Variants in PLA2G4A observed in about 807,000 individuals in gnomAD.
The protein encoded by PLA2G4A is phospholipase A2 group IVA, also known as cytosolic phospholipase A2.
In PLA2G4A, 40 loss-of-function variants were observed where a neutral mutation model predicts 81.9. The ratio of observed to expected loss-of-function variants is 0.49; its 90% CI spans 0.38 to 0.64. The LOEUF (loss-of-function observed/expected upper bound fraction) is 0.64, where lower values mean the gene tolerates loss of function less well. PLA2G4A is among the 30% of genes least tolerant of loss of function. PLA2G4A has a pLI of 0.00. For missense variants in PLA2G4A, 715 were observed against 905.1 expected, an observed-to-expected ratio of 0.79 and a Z score of 2.69; for synonymous variants, 302 against 296.9, an observed-to-expected ratio of 1.02 and a Z score of -0.18.
chr1:186,927,219 A>G (rs1655578899), intron 7 of PLA2G4A, among the ~76,000 whole-genome samples: 1 of 152,040 alleles, frequency 6.6e-6, no homozygotes, highest in African/African-American at 2.4e-5. Flanking sequence ...TTCTCTTTCA[A>G]CTTTGTTGCT....
chr1:186,890,486 T>A (rs1387835921), intron 3 of PLA2G4A, among the ~76,000 whole-genome samples: 6 of 152,222 alleles, frequency 3.9e-5, no homozygotes, highest in African/African-American at 1.4e-4. Context: ...ATTTCTTTAT[T>A]TGCAATTGTT....
intron 3 of PLA2G4A, among the ~76,000 whole-genome samples, chr1:186,892,066 C>T (rs1654162595): frequency 6.6e-6 from 1 of 152,136 alleles, no homozygotes; most frequent in Non-Finnish European, 1.5e-5. Context: ...TTTTCATATG[C>T]TTGTTTCCCA....
intron 1 of PLA2G4A, among the ~76,000 whole-genome samples, chr1:186,833,562 G>A (rs1156722687): frequency 6.6e-6 from 1 of 152,138 alleles, no homozygotes; most frequent in Non-Finnish European, 1.5e-5. Context: ...TCTTTCCAAA[G>A]AAGACAGTAA....
At chr1:186,925,355 AG>A (rs1220448441) in intron 7 of PLA2G4A, among the ~76,000 whole-genome samples, 1 of 152,222 alleles carries the variant, frequency 6.6e-6, no homozygotes, top group Non-Finnish European at 1.5e-5. Flanking sequence ...CAATGAATTC[AG>A]AGTGAATGTT....
chr1:186,874,588 C>A (rs1468449993), intron 3 of PLA2G4A, among the ~76,000 whole-genome samples: 1 of 152,032 alleles, frequency 6.6e-6, no homozygotes, highest in Non-Finnish European at 1.5e-5. Flanking sequence ...TGTCTGGCCC[C>A]TTTATTAGAC....
At chr1:186,875,425 T>C (rs1218731305) in intron 3 of PLA2G4A, among the ~76,000 whole-genome samples, 1 of 151,986 alleles carries the variant, frequency 6.6e-6, no homozygotes, top group African/African-American at 2.4e-5. Context: ...AATGTTAAAT[T>C]CTGAAATTAT....
At chr1:186,890,627 G>A (rs1003329794) in intron 3 of PLA2G4A, among the ~76,000 whole-genome samples, 6 of 151,786 alleles carry the variant, frequency 4.0e-5, no homozygotes, top group East Asian at 1.9e-4. Flanking sequence ...AGTCTGAGGC[G>A]GGCAGATCAG....
At chr1:186,890,891 A>C (rs1378926159) in intron 3 of PLA2G4A, among the ~76,000 whole-genome samples, 3 of 151,652 alleles carry the variant, frequency 2.0e-5, no homozygotes, top group Non-Finnish European at 2.9e-5. Context: ...TTGTTGCTTC[A>C]TAGAGACACC....
intron 7 of PLA2G4A, among the ~76,000 whole-genome samples, chr1:186,912,337 G>T (rs1240003871): frequency 6.6e-6 from 1 of 152,070 alleles, no homozygotes; most frequent in Non-Finnish European, 1.5e-5. Flanking sequence ...CATAGTTTAC[G>T]CTAGGCTCAC....
chr1:186,856,476 A>G (rs1390046253), intron 2 of PLA2G4A, among the ~76,000 whole-genome samples: 1 of 150,354 alleles, frequency 6.7e-6, no homozygotes, highest in Non-Finnish European at 1.5e-5. Flanking sequence ...TGCAACTACC[A>G]TCTCTCGGGT....
intron 8 of PLA2G4A, 142 bp from the exon 9 acceptor site, chr1:186,938,866 A>G: frequency 1.5e-6 from 1 of 665,908 alleles, no homozygotes; most frequent in Non-Finnish European, 2.7e-6. Flanking sequence ...TTCTTTTCTT[A>G]AATGTTTTAA....
Position 186,979,436 on chromosome 1 carries a change from T to A in PLA2G4A, c.2082T>A (p.His694Gln). 6.2e-7 allele frequency: 1 copy of A among 1,603,776 alleles called. No homozygotes were observed. Among genetic ancestry groups the A allele is most frequent in the Non-Finnish European group, 8.5e-7 (1 of 1,170,542 alleles). ...CAAATCAAGCATTCAAAAGACTACA[T>A]GATCTTATGCACTTCAATACTCTGA... ...QYPNQAFKRL[H>Q]DLMHFNTLNN... Residue 694 changes from histidine to glutamine, a missense_variant, in exon 17 of 18, where the codon CAT becomes CAA. His to Gln is a conservative substitution (Grantham distance 24). Transcript: ENST00000367466.
chr1:186,852,070 A>G (rs1407773786), intron 1 of PLA2G4A, among the ~76,000 whole-genome samples: 1 of 151,914 alleles, frequency 6.6e-6, no homozygotes, highest in African/African-American at 2.4e-5. Flanking sequence ...TCTTACCTGT[A>G]TATATATATC....
At position 186,860,757 on chromosome 1, in the gene PLA2G4A, G is replaced by C. The variant is rs547974893; in HGVS notation, c.33+6370G>C. Among the ~76,000 whole-genome samples the C allele has an allele frequency of 9.9e-5, 15 of 152,284 alleles. 1 individual carries two copies. Among genetic ancestry groups the C allele is most frequent in the African/African-American group, 3.6e-4 (15 of 41,564 alleles). On this transcript the variant is annotated intron_variant, in intron 2 of 17. Transcript: ENST00000367466. Reference sequence around the variant, plus strand: ...CAAAAGTGCACTAATTCAAAGTAATGTCCATGTTTCTGCTTCTTTACCACA... The same window carrying C: ...CAAAAGTGCACTAATTCAAAGTAATCTCCATGTTTCTGCTTCTTTACCACA...
chr1:186,898,675 A>T (rs1207955847), intron 5 of PLA2G4A, among the ~76,000 whole-genome samples: 1 of 152,196 alleles, frequency 6.6e-6, no homozygotes, highest in Admixed American at 6.5e-5. Flanking sequence ...TGACATAGAA[A>T]AAGTTGAAAG....
intron 1 of PLA2G4A, among the ~76,000 whole-genome samples, chr1:186,841,005 T>C (rs1334750046): frequency 6.6e-6 from 1 of 152,218 alleles, no homozygotes; most frequent in Non-Finnish European, 1.5e-5. Flanking sequence ...TTGTTGCATA[T>C]ATTTATAACC....
chr1:186,895,992 A>G (rs1654319502), intron 5 of PLA2G4A, among the ~76,000 whole-genome samples: 1 of 151,356 alleles, frequency 6.6e-6, no homozygotes, highest in Non-Finnish European at 1.5e-5. Flanking sequence ...GCATATGATA[A>G]TATATAATAT....
At chr1:186,868,433 G>T (rs12074730) in intron 2 of PLA2G4A, among the ~76,000 whole-genome samples, 1 of 152,108 alleles carries the variant, frequency 6.6e-6, no homozygotes, top group Admixed American at 6.6e-5. Context: ...ATTTTGATGA[G>T]AACTTTGGCA....
chr1:186,860,447 T>C (rs967742980), intron 2 of PLA2G4A, among the ~76,000 whole-genome samples: 19 of 151,984 alleles, frequency 1.3e-4, no homozygotes, highest in Admixed American at 3.3e-4. Flanking sequence ...TGAGAATAAA[T>C]GGGGGTGAAT....
Sources: gnomAD v4.1 joint callset for allele counts (sites outside exome capture counted in the v4.1 genomes callset) on GRCh38, gnomAD v4.1.1 for gene constraint, MANE v1.5 for transcripts, NCBI Gene and HGNC (gene_info 2026-07-23, HGNC 2026-07-21) for gene names.